The following ART4 variants were observed in gnomAD, a reference collection of about 807,000 sequenced individuals.
ART4 encodes the protein ADP-ribosyltransferase 4 (inactive) (Dombrock blood group), also known as ecto-ADP-ribosyltransferase 4.
A neutral mutation model predicts 24.2 loss-of-function variants in ART4; 14 were observed. The observed-to-expected ratio is 0.58, with a 90% CI of 0.38 to 0.90. The LOEUF is 0.90. Ranked by LOEUF, ART4 falls within the 40% of genes least tolerant of loss-of-function variation. The pLI is 0.00. For missense variants in ART4, 356 were observed against 366.6 expected (o/e 0.97, Z 0.24); for synonymous variants, 145 against 139.9 (o/e 1.04, Z -0.26).
chr12:14,840,760 T>C lies in ART4; in HGVS notation c.538A>G (p.Thr180Ala), dbSNP rs1863031675. 3.1e-6 allele frequency: 5 copies of C among 1,613,986 alleles called. No homozygotes were observed. The highest frequency in any genetic ancestry group is 1.3e-5 in the African/African-American group (1 of 74,894). Reference protein sequence around the residue: ...LRKDSIMENGTLCYEVHYRTK... With the variant: ...LRKDSIMENGALCYEVHYRTK... ...CTATAATGCACCTCATAGCACAGAG[T>C]GCCATTCTCCATGATGCTGTCTTTC... The change falls in exon 2 of 3, where the codon ACT becomes GCT. Residue 180 changes from threonine to alanine, a missense_variant. By Grantham distance (58) the Thr-to-Ala change is moderately conservative. Transcript: ENST00000228936.
At chr12:14,838,482 C>G (rs1416003979) in intron 2 of ART4, among the ~76,000 whole-genome samples, 1 of 152,152 alleles carries the variant, frequency 6.6e-6, no homozygotes, top group Non-Finnish European at 1.5e-5. Flanking sequence ...TGGAACCTGG[C>G]TATGAATGTT....
chr12:14,840,734 C>T lies in ART4; in HGVS notation c.564G>A (p.Arg188=). Residue 188 remains arginine, a synonymous_variant, in exon 2 of 3, where the codon AGG becomes AGA. Transcript: ENST00000228936. ...NGTLCYEVHY[R]TKDVHFNAYT... is the part of the protein sequence containing the mutation. ...AGGCATTAAAGTGGACATCCTTCGT[C>T]CTATAATGCACCTCATAGCACAGAG... is the stretch of plus-strand genomic sequence containing the variant. 6.2e-7 allele frequency: 1 copy of T among 1,614,110 alleles called. No individual in the cohort carries two copies. Among genetic ancestry groups the T allele is most frequent in the Non-Finnish European group, 8.5e-7 (1 of 1,180,024 alleles).
chr12:14,830,059 T>A (rs1950383961), intron 2 of ART4, among the ~76,000 whole-genome samples: 1 of 152,054 alleles, frequency 6.6e-6, no homozygotes, highest in Non-Finnish European at 1.5e-5. Context: ...GTATTACATG[T>A]CCATCCATAG....
At position 14,828,052 on chromosome 12, in the gene ART4, G is replaced by A. The variant is rs1950370265; in HGVS notation, c.*1319C>T. On this transcript the variant is annotated 3_prime_UTR_variant, in exon 3 of 3. Transcript: ENST00000228936. ...CCAGGGTCTTCAGTGATCGTGATCGGGTTAAATAATCCCTTATGTCGCTAC... is the reference window on the plus strand; with the variant it reads ...CCAGGGTCTTCAGTGATCGTGATCGAGTTAAATAATCCCTTATGTCGCTAC... 1 of 152,128 alleles carries A rather than the reference G, an allele frequency of 6.6e-6. No individual in the cohort carries two copies. The highest frequency in any genetic ancestry group is 2.4e-5 in the African/African-American group (1 of 41,398). 9.4% of individuals were successfully genotyped at this position (152,128 alleles called of 1,614,324 possible). A position where few individuals can be genotyped will look rare whatever the true frequency, so the allele number is the denominator to read the frequency against.
intron 2 of ART4, among the ~76,000 whole-genome samples, chr12:14,833,038 T>A (rs1592248709): frequency 6.6e-6 from 1 of 152,348 alleles, no homozygotes; most frequent in East Asian, 1.9e-4. Context: ...GTCTTTAGTT[T>A]TCTATTCAAC....
chr12:14,830,949 GT>G (rs75841948), intron 2 of ART4, among the ~76,000 whole-genome samples: 1 of 148,646 alleles, frequency 6.7e-6, no homozygotes, highest in South Asian at 2.1e-4. Flanking sequence ...AACGATTTTT[GT>G]TTTTTTTTCC....
intron 2 of ART4, among the ~76,000 whole-genome samples, chr12:14,830,577 G>A (rs1245747201): frequency 3.3e-5 from 4 of 120,178 alleles, no homozygotes; most frequent in African/African-American, 6.3e-5. Context: ...GTGTGTGTGT[G>A]TATACAAGTA....
chr12:14,833,387 G>A (rs890194553), intron 2 of ART4, among the ~76,000 whole-genome samples: 1 of 152,166 alleles, frequency 6.6e-6, no homozygotes, highest in Non-Finnish European at 1.5e-5. Context: ...AGTCTATGGA[G>A]AATATTGTCC....
chr12:14,833,904 G>T (rs71583818), intron 2 of ART4, among the ~76,000 whole-genome samples: 2 of 152,158 alleles, frequency 1.3e-5, no homozygotes, highest in Non-Finnish European at 2.9e-5. Context: ...AATGAAAAGC[G>T]TTATTCCTTC....
At position 14,828,733 on chromosome 12, in the gene ART4, G is replaced by A. The variant is rs28362805; in HGVS notation, c.*638C>T. ...GCAAAAACATAAATTATTGATTTAT[G>A]TAATGAAAAATCTTGTAGTATTCAG... On this transcript the variant is annotated 3_prime_UTR_variant, in exon 3 of 3. Coordinates refer to ENST00000228936, the MANE Select transcript of ART4 (RefSeq NM_021071.4). The A allele has an allele frequency of 0.15, 22,909 of 152,154 alleles. 2,012 individuals carry two copies. Among genetic ancestry groups the A allele is most frequent in the Non-Finnish European group, 0.2 (13,662 of 67,990 alleles). The allele number at this position is 152,154 out of a possible 1,614,324, so 9.4% of individuals were successfully genotyped here.
At chr12:14,832,486 T>C (rs1363720317) in intron 2 of ART4, among the ~76,000 whole-genome samples, 6 of 152,194 alleles carry the variant, frequency 3.9e-5, no homozygotes, top group Non-Finnish European at 5.9e-5. Flanking sequence ...CTTACTCTGC[T>C]TTATTTTTCA....
intron 2 of ART4, among the ~76,000 whole-genome samples, chr12:14,830,155 T>TG (rs1555088734): frequency 6.8e-6 from 1 of 148,130 alleles, no homozygotes; most frequent in Non-Finnish European, 1.5e-5. Context: ...TGTGTGTGTG[T>TG]TCTAACTACA....
intron 2 of ART4, 92 bp from the exon 3 acceptor site, chr12:14,829,554 A>G: frequency 1.2e-6 from 1 of 850,560 alleles, no homozygotes; most frequent in Non-Finnish European, 1.8e-6. Flanking sequence ...CTTAACTTAG[A>G]AAATTCCTAA....
At chr12:14,831,270 CATT>C (rs759276287) in intron 2 of ART4, among the ~76,000 whole-genome samples, 1 of 112,434 alleles carries the variant, frequency 8.9e-6, no homozygotes, top group Non-Finnish European at 1.7e-5. Flanking sequence ...ATTCCTTCTC[CATT>C]TTTTTTTTTT....
intron 2 of ART4, among the ~76,000 whole-genome samples, chr12:14,836,183 A>G (rs1480365175): frequency 6.6e-6 from 1 of 152,180 alleles, no homozygotes; most frequent in African/African-American, 2.4e-5. Context: ...TCATTTTTAC[A>G]GTAGATCTTA....
intron 2 of ART4, among the ~76,000 whole-genome samples, chr12:14,839,551 G>C (rs539934962): frequency 3.9e-5 from 6 of 152,154 alleles, no homozygotes; most frequent in Non-Finnish European, 7.3e-5. Context: ...GACAGAGAGA[G>C]GCTCCAGTGA....
intron 2 of ART4, among the ~76,000 whole-genome samples, chr12:14,838,600 G>A (rs546720920): frequency 1.2e-3 from 181 of 152,164 alleles, no homozygotes; most frequent in African/African-American, 4.2e-3. Context: ...CATTTCACTC[G>A]TTTTGCTGCC....
rs1225077507 is a variant in ART4, at chr12:14,827,039, A to G, written c.*2332T>C. The G allele has an allele frequency of 6.7e-6, 1 of 149,938 alleles. No homozygotes were observed. The highest frequency in any genetic ancestry group is 2.4e-5 in the African/African-American group (1 of 40,902). 9.3% of individuals were successfully genotyped at this position (149,938 alleles called of 1,614,324 possible). A position where few individuals can be genotyped will look rare whatever the true frequency, so the allele number is the denominator to read the frequency against. ...ATCTTTCTTTTGAATTGTTATGAAC[A>G]GAAAACTTGATTTTTGCCTTTTTTT... is the stretch of plus-strand genomic sequence containing the variant. On this transcript the variant is annotated 3_prime_UTR_variant, in exon 3 of 3. Transcript: ENST00000228936.
chr12:14,838,204 G>A (rs1298474025), intron 2 of ART4, among the ~76,000 whole-genome samples: 3 of 152,118 alleles, frequency 2.0e-5, no homozygotes, highest in Non-Finnish European at 2.9e-5. Context: ...GGGTAGTTTC[G>A]CCATAGGAAA....
Sources: allele counts gnomAD v4.1 joint callset (sites outside exome capture counted in the v4.1 genomes callset), GRCh38; gene constraint gnomAD v4.1.1; transcripts MANE v1.5; gene names NCBI Gene and HGNC (gene_info 2026-07-23, HGNC 2026-07-21).